RPS6KA2: variants seen among roughly 807,000 people sequenced by gnomAD.
RPS6KA2 encodes ribosomal protein S6 kinase A2.
A neutral mutation model predicts 91.8 loss-of-function variants in RPS6KA2; 42 were observed. The ratio of observed to expected loss-of-function variants is 0.46; its 90% CI spans 0.36 to 0.59. RPS6KA2 has a LOEUF of 0.59. Ranked by LOEUF, RPS6KA2 falls within the 20% of genes least tolerant of loss-of-function variation. RPS6KA2 has a pLI of 0.00. For synonymous variants in RPS6KA2, 414 were observed against 393.6 expected, an observed-to-expected ratio of 1.05 and a Z score of -0.61; for missense variants, 798 against 978.5, an observed-to-expected ratio of 0.82 and a Z score of 2.46.
chr6:166,564,266 G>A (rs1784427976), intron 1 of RPS6KA2, among the ~76,000 whole-genome samples: 1 of 152,192 alleles, frequency 6.6e-6, no homozygotes, highest in Non-Finnish European at 1.5e-5. Context: ...AACATCGCAT[G>A]TGTCAAATCC....
chr6:166,693,334 T>C (rs1211840139), intron 2 of RPS6KA2, among the ~76,000 whole-genome samples: 2 of 152,224 alleles, frequency 1.3e-5, no homozygotes, highest in Admixed American at 1.3e-4. Context: ...AAGTGATTCT[T>C]GTTGTTTTTA....
chr6:166,417,454 C>A (rs752299193), intron 19 of RPS6KA2, among the ~76,000 whole-genome samples: 2 of 152,198 alleles, frequency 1.3e-5, no homozygotes, highest in Non-Finnish European at 2.9e-5. Context: ...AGGAAAAAGA[C>A]TGCTCCCCTG....
chr6:166,519,790 T>C (rs946573993), intron 3 of RPS6KA2, among the ~76,000 whole-genome samples: 9 of 152,216 alleles, frequency 5.9e-5, no homozygotes, highest in Non-Finnish European at 1.5e-5. Flanking sequence ...AATGCAGGCA[T>C]TGCTTTGTGT....
chr6:166,625,917 T>C (rs898555337), intron 1 of RPS6KA2, among the ~76,000 whole-genome samples: 2 of 152,204 alleles, frequency 1.3e-5, no homozygotes, highest in Non-Finnish European at 2.9e-5. Flanking sequence ...GGTCTCTCAA[T>C]GGTTACAGAA....
At chr6:166,785,189 A>G (rs757105836) in intron 2 of RPS6KA2, among the ~76,000 whole-genome samples, 1 of 152,220 alleles carries the variant, frequency 6.6e-6, no homozygotes, top group Non-Finnish European at 1.5e-5. Flanking sequence ...AAATAAGACA[A>G]TCTTCCGAAT....
intron 1 of RPS6KA2, among the ~76,000 whole-genome samples, chr6:166,550,798 C>A (rs185615762): frequency 1.4e-4 from 22 of 152,034 alleles, no homozygotes; most frequent in Admixed American, 3.9e-4. Flanking sequence ...GTCAGGAGAT[C>A]GACACCATCC....
chr6:166,634,784 T>C (rs576188107), intron 2 of RPS6KA2, among the ~76,000 whole-genome samples: 106 of 152,228 alleles, frequency 7.0e-4, no homozygotes, highest in African/African-American at 2.3e-3. Flanking sequence ...GTACTTTTAG[T>C]AGAGATGGGG....
intron 2 of RPS6KA2, among the ~76,000 whole-genome samples, chr6:166,681,166 C>T (rs760025053): frequency 6.6e-5 from 10 of 152,138 alleles, no homozygotes; most frequent in Non-Finnish European, 1.0e-4. Flanking sequence ...CACCCCACTG[C>T]GTTTAGAAAA....
At chr6:166,847,148 T>A (rs1279853401) in intron 2 of RPS6KA2, among the ~76,000 whole-genome samples, 1 of 151,302 alleles carries the variant, frequency 6.6e-6, no homozygotes, top group Non-Finnish European at 1.5e-5. Flanking sequence ...AATCAAGAAC[T>A]CAACCCCTTT....
In RPS6KA2 at chr6:166,434,614, T is replaced by C. The variant is rs1779234906; in HGVS notation, c.1333-2124A>G. On this transcript the variant is annotated intron_variant, in intron 14 of 20. Transcript: ENST00000265678. The surrounding 1 kb of genome is among the most constrained non-coding windows in gnomAD (Gnocchi z 4.4). The stretch of plus-strand genomic sequence containing the variant: ...ATCCTGTCTTTGCAATTAGAGAAGG[T>C]TAAAATACATTTATAAATTTATAAA... Among the ~76,000 whole-genome samples the C allele has an allele frequency of 6.6e-6, 1 of 152,206 alleles. No homozygotes were observed. The highest frequency in any genetic ancestry group is 1.5e-5 in the Non-Finnish European group (1 of 68,042).
intron 2 of RPS6KA2, 30 bp from the exon 3 acceptor site, chr6:166,531,343 C>G: frequency 6.5e-7 from 1 of 1,539,524 alleles, no homozygotes; most frequent in East Asian, 2.2e-5. Flanking sequence ...ACATCAGAAA[C>G]CCGTAAGACT....
chr6:166,574,148 T>G (rs889681523), intron 1 of RPS6KA2, among the ~76,000 whole-genome samples: 1 of 152,194 alleles, frequency 6.6e-6, no homozygotes, highest in Non-Finnish European at 1.5e-5. Flanking sequence ...GAGGGTTTTT[T>G]AATTTTTTAA....
intron 2 of RPS6KA2, among the ~76,000 whole-genome samples, chr6:166,676,001 G>A (rs558950771): frequency 3.9e-5 from 6 of 152,266 alleles, no homozygotes; most frequent in Middle Eastern, 6.9e-3. Context: ...CGCCGTAAGG[G>A]ATTCACTGGC....
rs1392346183 is a variant in RPS6KA2 at position 166,830,064 on chromosome 6, T to G, written c.123+28136A>C. ...TCGCTTGAACCTGGGAGGCGGAGAT[T>G]GCATGAGCCGAGATCGCACCATTGC... On this transcript the variant is annotated intron_variant, in intron 2 of 21. Coordinates refer to the RPS6KA2 transcript ENST00000503859. Among the ~76,000 whole-genome samples the G allele has an allele frequency of 4.0e-5, 6 of 149,508 alleles. No homozygotes were observed. In the South Asian group the frequency reaches 8.4e-4, roughly 21 times the overall value.
At chr6:166,581,277 A>G (rs1784999666) in intron 1 of RPS6KA2, among the ~76,000 whole-genome samples, 1 of 152,174 alleles carries the variant, frequency 6.6e-6, no homozygotes, top group South Asian at 2.1e-4. Flanking sequence ...TGCTTTTGAC[A>G]GCATCAGCCT....
intron 1 of RPS6KA2, among the ~76,000 whole-genome samples, chr6:166,551,790 G>A (rs187246600): frequency 6.0e-4 from 91 of 152,324 alleles, no homozygotes; most frequent in Admixed American, 1.4e-3. Context: ...AATGGTGAGA[G>A]CAAGAAGGAC....
intron 2 of RPS6KA2, among the ~76,000 whole-genome samples, chr6:166,636,310 C>G (rs1787240611): frequency 6.6e-6 from 1 of 152,098 alleles, no homozygotes; most frequent in Admixed American, 6.5e-5. Flanking sequence ...TTCTGGATAG[C>G]CTATCTCGGA....
chr6:166,676,444 C>T (rs1188616516), intron 2 of RPS6KA2, among the ~76,000 whole-genome samples: 3 of 152,176 alleles, frequency 2.0e-5, no homozygotes, highest in African/African-American at 4.8e-5. Context: ...GGTTGATCTC[C>T]GGAAGCGCAA....
chr6:166,680,209 T>G (rs967900812), intron 2 of RPS6KA2, among the ~76,000 whole-genome samples: 2 of 152,220 alleles, frequency 1.3e-5, no homozygotes, highest in Non-Finnish European at 2.9e-5. Context: ...CTTTTGTGTC[T>G]AACTAAAGGA....
Sources: gnomAD v4.1 joint callset for allele counts (sites outside exome capture counted in the v4.1 genomes callset) on GRCh38, gnomAD v4.1.1 for gene constraint, Gnocchi (gnomAD v3.1) non-coding constraint, MANE v1.5 for transcripts, NCBI Gene and HGNC (gene_info 2026-07-23, HGNC 2026-07-21) for gene names.